WTAP: variants seen among roughly 807,000 people sequenced by gnomAD.
WTAP encodes pre-mRNA-splicing regulator WTAP.
Under a neutral mutation model 50.0 loss-of-function variants are expected in WTAP, and 8 were observed. The ratio of observed to expected loss-of-function variants is 0.16; its 90% CI spans 0.09 to 0.29. The LOEUF (loss-of-function observed/expected upper bound fraction) is 0.29, where lower values mean the gene tolerates loss of function less well. Ranked by LOEUF, WTAP falls within the 10% of genes least tolerant of loss-of-function variation. The pLI is 1.00. For synonymous variants in WTAP, 194 were observed against 169.0 expected (o/e 1.15, Z -1.15); for missense variants, 295 against 470.7 (o/e 0.63, Z 3.45).
chr6:159,749,591 G>T (rs945193470), intron 6 of WTAP, among the ~76,000 whole-genome samples: 27 of 152,122 alleles, frequency 1.8e-4, no homozygotes, highest in African/African-American at 6.5e-4. Flanking sequence ...ATTTTTAAAA[G>T]ACCTACATAA....
At chr6:159,732,886 AGTGTGTGTGTGTGTG>A (rs1354397555) in intron 1 of WTAP, among the ~76,000 whole-genome samples, 5 of 146,380 alleles carry the variant, frequency 3.4e-5, no homozygotes, top group Non-Finnish European at 7.4e-5. Flanking sequence ...ATATATATAT[AGTGTGTGTGTGTGTG>A]TGTGTGTGTG....
At chr6:159,730,158 A>G (rs577048141) in intron 1 of WTAP, among the ~76,000 whole-genome samples, 1 of 152,302 alleles carries the variant, frequency 6.6e-6, no homozygotes, top group African/African-American at 2.4e-5. Context: ...TGTTTTAATC[A>G]CCTAATAGCT....
intron 1 of WTAP, among the ~76,000 whole-genome samples, chr6:159,729,208 T>G (rs1361131452): frequency 2.6e-5 from 4 of 152,260 alleles, no homozygotes; most frequent in African/African-American, 4.8e-5. Context: ...TTAGCAGTTT[T>G]GATCATTATG....
In WTAP at chr6:159,755,117, C is replaced by T. The variant is rs762307701; in HGVS notation, c.697C>T (p.Arg233Cys). ...LVLQQQLKETRQQLAQYQQQQ... is the reference protein window; with the variant it reads ...LVLQQQLKETCQQLAQYQQQQ... ...TCTGCAGCAGCAGCTGAAGGAGACA[C>T]GCCAGCAGTTGGCTCAGTACCAGCA... The change falls in exon 8 of 8, where the codon CGC (arginine) becomes TGC (cysteine). Residue 233 changes from arginine (R) to cysteine (C), a missense_variant. Around this residue, in one of 2 missense-constraint regions of WTAP, gnomAD observed 120 missense variants for 287.6 expected, o/e 0.42. Coordinates refer to ENST00000621533, the MANE Select transcript of WTAP (RefSeq NM_001270531.2). The T allele has an allele frequency of 1.9e-6, 3 of 1,614,170 alleles. No individual in the cohort carries two copies. The highest frequency in any genetic ancestry group is 1.7e-5 in the Admixed American group (1 of 60,028).
At chr6:159,739,370 A>T (rs909785898) in intron 3 of WTAP, among the ~76,000 whole-genome samples, 6 of 152,222 alleles carry the variant, frequency 3.9e-5, no homozygotes, top group African/African-American at 1.4e-4. Context: ...TAATTTACTA[A>T]TGAAGTGAGG....
chr6:159,739,727 G>A (rs1248965117), intron 3 of WTAP, among the ~76,000 whole-genome samples: 3 of 151,114 alleles, frequency 2.0e-5, no homozygotes, highest in Admixed American at 1.3e-4. Context: ...AAGATGTTTT[G>A]TGAGATAGGC....
At chr6:159,728,689 T>G (rs1778378664) in intron 1 of WTAP, among the ~76,000 whole-genome samples, 1 of 152,240 alleles carries the variant, frequency 6.6e-6, no homozygotes, top group Non-Finnish European at 1.5e-5. Context: ...TCAAGATGGA[T>G]ACATTTTAAT....
chr6:159,741,824 C>CA (rs1181034187), intron 3 of WTAP: 5 of 295,110 alleles, frequency 1.7e-5, no homozygotes, highest in Admixed American at 5.3e-5. Flanking sequence ...CCCATCTCTA[C>CA]AAAAAAATGA....
chr6:159,743,428 G>T (rs1779381730), intron 4 of WTAP, among the ~76,000 whole-genome samples: 1 of 152,218 alleles, frequency 6.6e-6, no homozygotes, highest in Non-Finnish European at 1.5e-5. Flanking sequence ...TCTGTCTTCT[G>T]TTGGGAGTAG....
chr6:159,731,889 A>T (rs1385292517), intron 1 of WTAP, among the ~76,000 whole-genome samples: 1 of 152,192 alleles, frequency 6.6e-6, no homozygotes, highest in Non-Finnish European at 1.5e-5. Flanking sequence ...AATGCCCTTT[A>T]AAAACAGATT....
At chr6:159,732,444 A>C (rs145636316) in intron 1 of WTAP, among the ~76,000 whole-genome samples, 4 of 152,312 alleles carry the variant, frequency 2.6e-5, no homozygotes, top group African/African-American at 7.2e-5. Flanking sequence ...TGGTTCTCAA[A>C]ATTTTATGTT....
At chr6:159,727,162 G>A, upstream of WTAP, 1 of 1,196,098 alleles carries the variant, frequency 8.4e-7, no homozygotes, top group South Asian at 1.5e-5. Flanking sequence ...CGCGGAGCTC[G>A]CGCCAGGCTC....
At chr6:159,742,266 G>A in intron 4 of WTAP, 120 bp downstream of exon 4, 3 of 769,790 alleles carry the variant, frequency 3.9e-6, no homozygotes, top group Non-Finnish European at 6.2e-6. Flanking sequence ...TATAAGAACT[G>A]TACATAGGCA....
chr6:159,727,345 A>T, upstream of WTAP: 1 of 1,113,954 alleles, frequency 9.0e-7, no homozygotes, highest in South Asian at 1.5e-5. Context: ...TGAGTGGGCC[A>T]GAAGGCGAAC....
chr6:159,744,465 A>G (rs1330934776), intron 5 of WTAP, among the ~76,000 whole-genome samples: 1 of 152,154 alleles, frequency 6.6e-6, no homozygotes, highest in African/African-American at 2.4e-5. Flanking sequence ...CTTATGTGTT[A>G]TTAAAGTCTT....
At chr6:159,728,507 T>G (rs985050600) in intron 1 of WTAP, among the ~76,000 whole-genome samples, 11 of 152,252 alleles carry the variant, frequency 7.2e-5, no homozygotes, top group Non-Finnish European at 1.2e-4. Context: ...TTGTGCCTAT[T>G]TTATCTAGTT....
At chr6:159,747,699 A>G (rs551442137) in intron 5 of WTAP, among the ~76,000 whole-genome samples, 11 of 152,340 alleles carry the variant, frequency 7.2e-5, no homozygotes, top group African/African-American at 2.6e-4. Flanking sequence ...AGACTTCATT[A>G]ACTCTTAGGT....
intron 1 of WTAP, among the ~76,000 whole-genome samples, chr6:159,731,485 AAAG>A (rs2114872886): frequency 6.6e-6 from 1 of 152,258 alleles, no homozygotes; most frequent in African/African-American, 2.4e-5. Context: ...GAGAGGAAAA[AAAG>A]AAAATTTAAG....
chr6:159,736,066 A>G (rs1778894360), intron 1 of WTAP, among the ~76,000 whole-genome samples, 192 bp from the exon 2 acceptor site: 1 of 152,208 alleles, frequency 6.6e-6, no homozygotes, highest in Non-Finnish European at 1.5e-5. Context: ...TACAGAGTAT[A>G]TAGGAACTCT....
Sources: gnomAD v4.1 joint callset for allele counts (sites outside exome capture counted in the v4.1 genomes callset) on GRCh38, gnomAD v4.1.1 for gene constraint, gnomAD v4.1.1 regional missense constraint, MANE v1.5 for transcripts, NCBI Gene and HGNC (gene_info 2026-07-23, HGNC 2026-07-21) for gene names.